The following LRRK1 variants were observed in gnomAD, a reference collection of about 807,000 sequenced individuals.
LRRK1 encodes the protein leucine rich repeat kinase 1.
LRRK1 carries 113 observed loss-of-function variants against 209.1 expected under a neutral mutation model. The ratio of observed to expected loss-of-function variants is 0.54; its 90% CI spans 0.46 to 0.63. The LOEUF is 0.63. LRRK1 is among the 30% of genes least tolerant of loss of function. LRRK1 has a pLI of 0.00. For missense variants in LRRK1, 2,284 were observed against 2,632.2 expected (o/e 0.87, Z 2.89); for synonymous variants, 1,144 against 1,099.7 (o/e 1.04, Z -0.80).
At position 100,924,558 on chromosome 15, in the gene LRRK1, T is replaced by C; in HGVS notation, c.-75T>C. On this transcript the variant is annotated 5_prime_UTR_variant, in exon 2 of 34. It removes an upstream start codon present in the reference 5' UTR. Coordinates refer to ENST00000388948, the MANE Select transcript of LRRK1 (RefSeq NM_024652.6). ...CCATGGCTACGAGTCCACGCCTTAATGCACCCCACAGCCAGCGGCAGTGGC... is the reference window on the plus strand; with the variant it reads ...CCATGGCTACGAGTCCACGCCTTAACGCACCCCACAGCCAGCGGCAGTGGC... The C allele has an allele frequency of 7.5e-7, 1 of 1,340,308 alleles. No individual in the cohort carries two copies. Among genetic ancestry groups the C allele is most frequent in the Non-Finnish European group, 1.1e-6 (1 of 934,196 alleles). 83.0% of individuals were successfully genotyped at this position (1,340,308 alleles called of 1,614,324 possible).
chr15:101,013,776 A>G (rs1477529450), intron 10 of LRRK1, among the ~76,000 whole-genome samples: 1 of 152,106 alleles, frequency 6.6e-6, no homozygotes, highest in East Asian at 1.9e-4. Flanking sequence ...CATGCTGATA[A>G]TCCTGAGGGG....
intron 2 of LRRK1, among the ~76,000 whole-genome samples, chr15:100,945,732 A>T (rs1341130376): frequency 6.6e-6 from 1 of 152,172 alleles, no homozygotes; most frequent in Middle Eastern, 3.4e-3. Context: ...ATCTCAGGTG[A>T]TCCACCTGCC....
rs7495299 is a variant in LRRK1 at position 101,076,414 on chromosome 15, T to A, written c.*7566T>A. Reference sequence around the variant, plus strand: ...TCAATCCAGCCTCCCACATTATTCCTGATACCACACCTGACCCCCATGACT... The same window carrying A: ...TCAATCCAGCCTCCCACATTATTCCAGATACCACACCTGACCCCCATGACT... On this transcript the variant is annotated 3_prime_UTR_variant, in exon 34 of 34. Coordinates refer to ENST00000388948, the MANE Select transcript of LRRK1 (RefSeq NM_024652.6). The A allele has an allele frequency of 1.3e-5, 2 of 150,960 alleles. No homozygotes were observed. Among genetic ancestry groups the A allele is most frequent in the Admixed American group, 6.6e-5 (1 of 15,240 alleles). The allele number at this position is 150,960 out of a possible 1,614,324, so 9.4% of individuals were successfully genotyped here.
chr15:100,974,004 C>T, intron 3 of LRRK1, 37 bp downstream of exon 3: 1 of 1,242,222 alleles, frequency 8.1e-7, no homozygotes, highest in Non-Finnish European at 1.0e-6. Context: ...ACCCATGCAG[C>T]CCCGGGCTGG....
In LRRK1 at chr15:100,931,369, C is replaced by T. The variant is rs756963577; in HGVS notation, c.97+6640C>T. On this transcript the variant is annotated intron_variant, in intron 2 of 33. Coordinates refer to ENST00000388948, the MANE Select transcript of LRRK1 (RefSeq NM_024652.6). Reference sequence around the variant, plus strand: ...GAGAACCGAGAACAAAAATAACTTACGTGACACTTTGAACTTTTCAGTGAC... The same window carrying T: ...GAGAACCGAGAACAAAAATAACTTATGTGACACTTTGAACTTTTCAGTGAC... Among the ~76,000 whole-genome samples the T allele has an allele frequency of 9.6e-4, 146 of 152,272 alleles. 1 individual carries two copies. Among genetic ancestry groups the T allele is most frequent in the Non-Finnish European group, 3.1e-4 (21 of 68,028 alleles).
chr15:101,026,263 G>A, intron 17 of LRRK1, 126 bp downstream of exon 17: 2 of 921,956 alleles, frequency 2.2e-6, no homozygotes, highest in Middle Eastern at 3.2e-4. Flanking sequence ...GCCAAGGGTG[G>A]CCATCCACAG....
chr15:100,962,823 A>ATATATATATACATATATATATATATT, intron 2 of LRRK1, among the ~76,000 whole-genome samples: 2 of 11,544 alleles, frequency 1.7e-4, no homozygotes, highest in Admixed American at 1.0e-3. Context: ...ATATATATAT[A>ATATATATATACATATATATATATATT]TTTTTTTTTT....
In LRRK1 at chr15:101,073,385, C is replaced by T. The variant is rs192906660; in HGVS notation, c.*4537C>T. On this transcript the variant is annotated 3_prime_UTR_variant, in exon 34 of 34. Transcript: ENST00000388948. ...AGGGACGCCTGCCTTGGTCCTTCAC[C>T]CTTAGCGGCAAGTCCCGCTTTTCTG... The T allele has an allele frequency of 4.6e-5, 7 of 152,370 alleles. No homozygotes were observed. Among genetic ancestry groups the T allele is most frequent in the African/African-American group, 1.2e-4 (5 of 41,576 alleles). The allele number at this position is 152,370 out of a possible 1,614,324, so 9.4% of individuals were successfully genotyped here. A position where few individuals can be genotyped will look rare whatever the true frequency, so the allele number is the denominator to read the frequency against.
chr15:100,923,276 C>T (rs1454835771), intron 1 of LRRK1, among the ~76,000 whole-genome samples: 1 of 152,182 alleles, frequency 6.6e-6, no homozygotes, highest in Non-Finnish European at 1.5e-5. Context: ...ACACACATAC[C>T]TTTCAGCTGG....
At chr15:100,928,782 T>C (rs1209116005) in intron 2 of LRRK1, among the ~76,000 whole-genome samples, 1 of 152,138 alleles carries the variant, frequency 6.6e-6, no homozygotes, top group East Asian at 1.9e-4. Flanking sequence ...TTACAATGGT[T>C]AATCCTTTCA....
In LRRK1 at chr15:101,065,757, C is replaced by T; in HGVS notation, c.5320C>T (p.Arg1774Trp). The T allele has an allele frequency of 5.0e-6, 8 of 1,614,116 alleles. No individual in the cohort carries two copies. Among genetic ancestry groups the T allele is most frequent in the Non-Finnish European group, 6.8e-6 (8 of 1,180,020 alleles). Residue 1774 changes from arginine (R) to tryptophan (W), a missense_variant, in exon 32 of 34, where the codon CGG becomes TGG. By Grantham distance (101) the Arg-to-Trp change is moderately radical (BLOSUM62 -3). Transcript: ENST00000388948. ...CTCCACCACCTACCAGCTGTGTGCC[C>T]GGTACTTCTGCGGGGTCCCCAGCCC... ...YHSTTYQLCARYFCGVPSPLR... is the reference protein window; with the variant it reads ...YHSTTYQLCAWYFCGVPSPLR...
chr15:101,027,165 C>T lies in LRRK1; in HGVS notation c.2406-96C>T. The T allele has an allele frequency of 6.7e-7, 1 of 1,489,022 alleles. No homozygotes were observed. Among genetic ancestry groups the T allele is most frequent in the African/African-American group, 1.4e-5 (1 of 71,706 alleles). 92.2% of individuals were successfully genotyped at this position (1,489,022 alleles called of 1,614,324 possible). A position where few individuals can be genotyped will look rare whatever the true frequency, so the allele number is the denominator to read the frequency against. On this transcript the variant is annotated intron_variant, in intron 17 of 33. Coordinates refer to ENST00000388948, the MANE Select transcript of LRRK1 (RefSeq NM_024652.6). This position sits in a 1 kb window ranked among gnomAD's most constrained non-coding sequence, Gnocchi z 5.1. Reference sequence around the variant, plus strand: ...GTCTTTCACGAGTTCTCCAGACTTGCCAGCGTTCAGGACAAACCTCTCAGG... The same window carrying T: ...GTCTTTCACGAGTTCTCCAGACTTGTCAGCGTTCAGGACAAACCTCTCAGG...
intron 2 of LRRK1, among the ~76,000 whole-genome samples, chr15:100,941,474 G>GTGTGTCTGTGTGTGTCTGTGTC (rs1567191292): frequency 6.9e-6 from 1 of 144,874 alleles, no homozygotes; most frequent in African/African-American, 2.6e-5. Context: ...CTGTGTGTGT[G>GTGTGTCTGTGTGTGTCTGTGTC]TGTGTGTGTG....
chr15:101,021,958 G>A lies in LRRK1; in HGVS notation c.1852+1G>A. 1 of 1,606,696 alleles carries A rather than the reference G, an allele frequency of 6.2e-7. No homozygotes were observed. The highest frequency in any genetic ancestry group is 8.5e-7 in the Non-Finnish European group (1 of 1,173,458). On this transcript the variant is annotated splice_donor_variant, in intron 14 of 33. Coordinates refer to ENST00000388948, the MANE Select transcript of LRRK1 (RefSeq NM_024652.6). LOFTEE classifies it high-confidence loss of function. Reference sequence around the variant, plus strand: ...GTGCCTGCAGAAATCCAAAAAGAAGGTAGGGCTTCCGCAGCCCTGTCCCCT... The same window carrying A: ...GTGCCTGCAGAAATCCAAAAAGAAGATAGGGCTTCCGCAGCCCTGTCCCCT...
At chr15:100,995,728 C>T (rs1596249945) in intron 6 of LRRK1, among the ~76,000 whole-genome samples, 1 of 152,182 alleles carries the variant, frequency 6.6e-6, no homozygotes, top group Non-Finnish European at 1.5e-5. Flanking sequence ...GATGTTCGCT[C>T]CTGTTCAGCA....
intron 10 of LRRK1, among the ~76,000 whole-genome samples, 177 bp downstream of exon 10, chr15:101,012,322 G>A (rs751397798): frequency 5.3e-5 from 8 of 152,210 alleles, no homozygotes; most frequent in Non-Finnish European, 1.0e-4. Context: ...AGGGTGGCAC[G>A]TGGACAGCAG....
intron 6 of LRRK1, among the ~76,000 whole-genome samples, chr15:100,992,963 T>C (rs932553464): frequency 8.5e-5 from 13 of 152,100 alleles, no homozygotes; most frequent in Non-Finnish European, 1.9e-4. Flanking sequence ...GCCCGGCCCA[T>C]ATGTTCTTTT....
At chr15:100,951,609 T>C (rs1176681010) in intron 2 of LRRK1, among the ~76,000 whole-genome samples, 1 of 152,102 alleles carries the variant, frequency 6.6e-6, no homozygotes, top group Non-Finnish European at 1.5e-5. Context: ...TACGCAGCAA[T>C]AGCAAGGAAA....
At position 101,027,158 on chromosome 15, in the gene LRRK1, A is replaced by G; in HGVS notation, c.2406-103A>G. The G allele has an allele frequency of 6.9e-7, 1 of 1,451,234 alleles. No individual in the cohort carries two copies. The highest frequency in any genetic ancestry group is 9.4e-7 in the Non-Finnish European group (1 of 1,067,752). The allele number at this position is 1,451,234 out of a possible 1,614,324, so 89.9% of individuals were successfully genotyped here. On this transcript the variant is annotated intron_variant, in intron 17 of 33. Transcript: ENST00000388948. The surrounding 1 kb of genome is among the most constrained non-coding windows in gnomAD (Gnocchi z 5.1). ...TTGTGTTGTCTTTCACGAGTTCTCCAGACTTGCCAGCGTTCAGGACAAACC... is the reference window on the plus strand; with the variant it reads ...TTGTGTTGTCTTTCACGAGTTCTCCGGACTTGCCAGCGTTCAGGACAAACC...
Sources: allele counts gnomAD v4.1 joint callset (sites outside exome capture counted in the v4.1 genomes callset), GRCh38; gene constraint gnomAD v4.1.1; non-coding constraint Gnocchi (gnomAD v3.1); transcripts MANE v1.5; gene names NCBI Gene and HGNC (gene_info 2026-07-23, HGNC 2026-07-21).